Variants in RORA observed in about 807,000 individuals in gnomAD.
RORA encodes nuclear receptor ROR-alpha.
A neutral mutation model predicts 69.5 loss-of-function variants in RORA; 7 were observed. The ratio of observed to expected loss-of-function variants is 0.10; its 90% CI spans 0.06 to 0.19. The LOEUF (loss-of-function observed/expected upper bound fraction) is 0.19. Ranked by LOEUF, RORA falls within the 10% of genes least tolerant of loss-of-function variation. The pLI is 1.00. For missense variants in RORA, 457 were observed against 663.0 expected (o/e 0.69, Z 3.41); for synonymous variants, 261 against 240.8 (o/e 1.08, Z -0.78).
At chr15:61,228,241 G>C (rs1019692281) in intron 1 of RORA, among the ~76,000 whole-genome samples, 3 of 152,152 alleles carry the variant, frequency 2.0e-5, no homozygotes, top group African/African-American at 7.2e-5. Context: ...CTCCGGATGC[G>C]CGTGGAGCGC....
chr15:60,668,663 G>A (rs1220471361), intron 2 of RORA, among the ~76,000 whole-genome samples: 4 of 152,092 alleles, frequency 2.6e-5, no homozygotes, highest in East Asian at 1.9e-4. Flanking sequence ...TTATCCCGAC[G>A]CCCCAACCTG....
At position 60,488,970 on chromosome 15, in the gene RORA, A is replaced by G. The variant is rs2064997136; in HGVS notation, c.*8485T>C. 6.6e-6 allele frequency: 1 copy of G among 152,250 alleles called. No homozygotes were observed. The highest frequency in any genetic ancestry group is 2.4e-5 in the African/African-American group (1 of 41,464). 9.4% of individuals were successfully genotyped at this position (152,250 alleles called of 1,614,324 possible). On this transcript the variant is annotated 3_prime_UTR_variant, in exon 11 of 11. Transcript: ENST00000335670. ...CTTTGTAAATTTAACAAAACAACCC[A>G]GGAAAAACGTTTTAATTGGGGCACA...
rs1288944388 is a variant in RORA, at chr15:60,492,456, T to G, written c.*4999A>C. 6.6e-6 allele frequency: 1 copy of G among 152,154 alleles called. No homozygotes were observed. The highest frequency in any genetic ancestry group is 2.4e-5 in the African/African-American group (1 of 41,442). 9.4% of individuals were successfully genotyped at this position (152,154 alleles called of 1,614,324 possible). On this transcript the variant is annotated 3_prime_UTR_variant, in exon 11 of 11. Coordinates refer to ENST00000335670, the MANE Select transcript of RORA (RefSeq NM_134261.3). Reference sequence around the variant, plus strand: ...AAGAATTGTTTTCCATGAAGGAATTTTTGGTTTGCTTCTAGAGGAGAACCC... The same window carrying G: ...AAGAATTGTTTTCCATGAAGGAATTGTTGGTTTGCTTCTAGAGGAGAACCC...
At chr15:61,092,854 G>C (rs901741655) in intron 1 of RORA, among the ~76,000 whole-genome samples, 1 of 152,222 alleles carries the variant, frequency 6.6e-6, no homozygotes, top group South Asian at 2.1e-4. Flanking sequence ...TGAAGCAAGT[G>C]CTAAGGGAAT....
At chr15:61,024,450 T>C (rs969127393) in intron 1 of RORA, among the ~76,000 whole-genome samples, 3 of 66,166 alleles carry the variant, frequency 4.5e-5, no homozygotes, top group African/African-American at 1.4e-4. Flanking sequence ...TGCCCGGTAA[T>C]GTTTTTTTTT....
chr15:60,901,129 T>G (rs1228724038), intron 1 of RORA, among the ~76,000 whole-genome samples: 1 of 152,198 alleles, frequency 6.6e-6, no homozygotes, highest in Non-Finnish European at 1.5e-5. Flanking sequence ...TCATTTACCT[T>G]TTACACTAAG....
chr15:60,628,314 T>TA (rs1224732587), intron 2 of RORA, among the ~76,000 whole-genome samples: 1 of 152,178 alleles, frequency 6.6e-6, no homozygotes, highest in African/African-American at 2.4e-5. Context: ...GAATATCCCT[T>TA]AATGGGTTTG....
chr15:60,711,355 A>G (rs1004121293), intron 1 of RORA, among the ~76,000 whole-genome samples: 2 of 152,210 alleles, frequency 1.3e-5, no homozygotes, highest in African/African-American at 2.4e-5. Flanking sequence ...CTGCCAGCAT[A>G]GAACAGGTAA....
chr15:60,518,977 G>C (rs1377369015), intron 3 of RORA, among the ~76,000 whole-genome samples: 1 of 152,212 alleles, frequency 6.6e-6, no homozygotes, highest in Admixed American at 6.5e-5. Context: ...GAAGCAAAGA[G>C]AGACCACATT....
intron 1 of RORA, among the ~76,000 whole-genome samples, chr15:60,911,389 G>C (rs1278585634): frequency 2.0e-5 from 3 of 152,110 alleles, no homozygotes; most frequent in East Asian, 1.9e-4. Flanking sequence ...GAGAACATCA[G>C]ATCAACCCAA....
intron 2 of RORA, among the ~76,000 whole-genome samples, chr15:60,567,416 A>ATTATTATTT (rs1555432151): frequency 2.8e-5 from 4 of 142,786 alleles, no homozygotes; most frequent in Admixed American, 1.4e-4. Context: ...TATTATTATT[A>ATTATTATTT]TTTTTTTTTT....
At chr15:60,685,752 C>T (rs1413167179) in intron 1 of RORA, among the ~76,000 whole-genome samples, 1 of 152,132 alleles carries the variant, frequency 6.6e-6, no homozygotes, top group Admixed American at 6.6e-5. Flanking sequence ...AATTATGTGC[C>T]AGGGTTGCAG....
At chr15:60,713,416 G>C (rs1479633208) in intron 1 of RORA, among the ~76,000 whole-genome samples, 2 of 152,150 alleles carry the variant, frequency 1.3e-5, no homozygotes, top group Non-Finnish European at 2.9e-5. Flanking sequence ...AAAATTCTTG[G>C]TTCCTACTGT....
At chr15:61,041,732 C>T (rs1207387985) in intron 1 of RORA, among the ~76,000 whole-genome samples, 1 of 152,122 alleles carries the variant, frequency 6.6e-6, no homozygotes. Context: ...CTAGTATGTT[C>T]ATTTTATAGA....
intron 1 of RORA, among the ~76,000 whole-genome samples, chr15:60,884,204 GA>G (rs746335113): frequency 6.7e-6 from 1 of 149,532 alleles, no homozygotes; most frequent in Non-Finnish European, 1.5e-5. Context: ...AAGAGAGAAA[GA>G]GAGAGAGAGA....
intron 1 of RORA, among the ~76,000 whole-genome samples, chr15:60,833,951 G>C (rs979546916): frequency 6.6e-6 from 1 of 152,110 alleles, no homozygotes; most frequent in African/African-American, 2.4e-5. Flanking sequence ...GACACTATAG[G>C]AATACATCAT....
At position 60,994,068 on chromosome 15, in the gene RORA, G is replaced by A. The variant is rs115103186; in HGVS notation, c.166+234985C>T. On this transcript the variant is annotated intron_variant, in intron 1 of 10. Transcript: ENST00000335670. Reference sequence around the variant, plus strand: ...TTTGGGTTCATCATGAAATGAGTCTGGGCATATTAAAAATTCAATGTTTTG... The same window carrying A: ...TTTGGGTTCATCATGAAATGAGTCTAGGCATATTAAAAATTCAATGTTTTG... 4.2e-3 allele frequency among the ~76,000 whole-genome samples: 647 copies of A among 152,282 alleles called. 9 individuals are homozygous for A. Among genetic ancestry groups the A allele is most frequent in the African/African-American group, 0.015 (619 of 41,566 alleles).
At chr15:60,542,196 G>C (rs1454889868) in intron 2 of RORA, among the ~76,000 whole-genome samples, 1 of 152,140 alleles carries the variant, frequency 6.6e-6, no homozygotes, top group Admixed American at 6.5e-5. Context: ...TTTCACATCG[G>C]ATGGAAACAC....
chr15:60,734,777 G>A (rs1049712296), intron 1 of RORA, among the ~76,000 whole-genome samples: 1 of 152,174 alleles, frequency 6.6e-6, no homozygotes, highest in Non-Finnish European at 1.5e-5. Flanking sequence ...TAAATGTAAC[G>A]GCAATCATGT....
Sources: allele counts gnomAD v4.1 joint callset (sites outside exome capture counted in the v4.1 genomes callset), GRCh38; gene constraint gnomAD v4.1.1; transcripts MANE v1.5; gene names NCBI Gene and HGNC (gene_info 2026-07-23, HGNC 2026-07-21).